The following OPCML variants were observed in gnomAD, a reference collection of about 807,000 sequenced individuals.
The protein encoded by OPCML is opioid-binding protein/cell adhesion molecule.
OPCML carries 13 observed loss-of-function variants against 37.8 expected under a neutral mutation model. That is an observed-to-expected ratio of 0.34 (90% CI 0.22 to 0.55). OPCML has a LOEUF of 0.55. Ranked by LOEUF, OPCML falls within the 20% of genes least tolerant of loss-of-function variation. The pLI, the probability that OPCML is intolerant of heterozygous loss-of-function variation, is 0.91. For missense variants in OPCML, 341 were observed against 435.6 expected (o/e 0.78, Z 1.93); for synonymous variants, 176 against 168.8 (o/e 1.04, Z -0.33).
At chr11:133,269,628 C>A in intron 1 of OPCML, among the ~76,000 whole-genome samples, 1 of 152,160 alleles carries the variant, frequency 6.6e-6, no homozygotes, top group East Asian at 1.9e-4. Context: ...CCACCTGCTA[C>A]CCATTTCAGG....
chr11:133,390,255 C>T (rs953356303), intron 1 of OPCML, among the ~76,000 whole-genome samples: 4 of 152,046 alleles, frequency 2.6e-5, no homozygotes, highest in Non-Finnish European at 4.4e-5. Context: ...GTCAGGAGAT[C>T]GAGACCATCC....
rs5795789 is a variant in OPCML at position 132,554,863 on chromosome 11, G to GTTTTTTTTT, written c.380-25686_380-25678dup. ...ATAAAAGCCATGGGAATGGGGTAAA[G>GTTTTTTTTT]TTTTTTTTTTTTTTTTTTTTTTTTT... is the stretch of plus-strand genomic sequence containing the variant. On this transcript the variant is annotated intron_variant, in intron 3 of 7. Coordinates refer to ENST00000524381, the MANE Select transcript of OPCML (RefSeq NM_001012393.5). 3.3e-4 allele frequency among the ~76,000 whole-genome samples: 21 copies of GTTTTTTTTT among 64,028 alleles called. 3 individuals carry two copies. Among genetic ancestry groups the GTTTTTTTTT allele is most frequent in the African/African-American group, 8.7e-4 (15 of 17,340 alleles). The allele number at this position is 64,028 out of a possible 152,430, so 42.0% of individuals were successfully genotyped here. A position where few individuals can be genotyped will look rare whatever the true frequency, so the allele number is the denominator to read the frequency against.
intron 1 of OPCML, chr11:133,299,293 G>A (rs1942721980): frequency 6.6e-6 from 1 of 152,246 alleles, no homozygotes. Flanking sequence ...ATTTGTTGCT[G>A]GGACCCAAAG....
At chr11:132,495,894 C>CAA (rs202115452) in intron 4 of OPCML, among the ~76,000 whole-genome samples, 209 of 100,048 alleles carry the variant, frequency 2.1e-3, no homozygotes, top group African/African-American at 6.4e-3. Context: ...GACTCCATCT[C>CAA]AAAAAAAAAA....
chr11:133,494,454 A>G (rs1947735932), intron 1 of OPCML, among the ~76,000 whole-genome samples: 1 of 151,578 alleles, frequency 6.6e-6, no homozygotes, highest in Admixed American at 6.6e-5. Context: ...CACAATAGCA[A>G]AGACTTGGAA....
intron 2 of OPCML, among the ~76,000 whole-genome samples, chr11:132,842,621 G>GT (rs1317717545): frequency 1.3e-5 from 2 of 152,278 alleles, no homozygotes; most frequent in South Asian, 2.1e-4. Context: ...GCTTGTCAGA[G>GT]TTTTTTCTCC....
intron 1 of OPCML, among the ~76,000 whole-genome samples, chr11:133,115,685 TCA>T (rs1949322689): frequency 6.6e-6 from 1 of 152,152 alleles, no homozygotes. Flanking sequence ...AGCTGAATTG[TCA>T]CAGTGTCTCA....
At chr11:132,436,063 G>A (rs767169783) in intron 7 of OPCML, 23 bp downstream of exon 7, 8 of 1,605,100 alleles carry the variant, frequency 5.0e-6, no homozygotes, top group South Asian at 1.1e-5. Flanking sequence ...TGAGCCCACT[G>A]CATCCAGGCT....
intron 2 of OPCML, among the ~76,000 whole-genome samples, chr11:132,815,094 G>A (rs1373158913): frequency 6.6e-6 from 1 of 152,112 alleles, no homozygotes; most frequent in East Asian, 1.9e-4. Context: ...TAAAGTTGAA[G>A]CCTTTGCCCC....
At chr11:132,744,512 G>T (rs552525120) in intron 2 of OPCML, among the ~76,000 whole-genome samples, 10 of 152,170 alleles carry the variant, frequency 6.6e-5, no homozygotes, top group Non-Finnish European at 1.2e-4. Context: ...TGCTAGCCAG[G>T]CTGCTGTAAG....
At chr11:133,257,562 C>A (rs1276776220) in intron 1 of OPCML, among the ~76,000 whole-genome samples, 1 of 152,178 alleles carries the variant, frequency 6.6e-6, no homozygotes, top group Non-Finnish European at 1.5e-5. Flanking sequence ...TATTAAAGTT[C>A]TTACACACTG....
intron 1 of OPCML, among the ~76,000 whole-genome samples, chr11:133,156,996 T>C (rs1276878432): frequency 1.3e-5 from 2 of 152,146 alleles, no homozygotes; most frequent in Non-Finnish European, 2.9e-5. Flanking sequence ...TTTCAGCTCA[T>C]GAAACCACTT....
chr11:132,986,850 T>G (rs1212157480), intron 1 of OPCML, among the ~76,000 whole-genome samples: 1 of 152,142 alleles, frequency 6.6e-6, no homozygotes. Flanking sequence ...TGGAAGCAAA[T>G]TAAGCATATC....
intron 1 of OPCML, among the ~76,000 whole-genome samples, chr11:132,944,647 C>A (rs1177186080): frequency 6.6e-6 from 1 of 152,190 alleles, no homozygotes; most frequent in Non-Finnish European, 1.5e-5. Context: ...CTCCTAAAAC[C>A]CCTCACAGGA....
At chr11:132,495,967 A>G (rs927994492) in intron 4 of OPCML, among the ~76,000 whole-genome samples, 1 of 152,054 alleles carries the variant, frequency 6.6e-6, no homozygotes, top group African/African-American at 2.4e-5. Flanking sequence ...AATTTTACTG[A>G]TCATGGATTT....
intron 1 of OPCML, among the ~76,000 whole-genome samples, chr11:133,257,831 C>G (rs969578250): frequency 1.3e-5 from 2 of 150,744 alleles, no homozygotes; most frequent in African/African-American, 4.9e-5. Flanking sequence ...TTTTTCTCGC[C>G]TTCCTTGTCT....
At chr11:133,194,589 A>G (rs1026517963) in intron 1 of OPCML, among the ~76,000 whole-genome samples, 1 of 152,144 alleles carries the variant, frequency 6.6e-6, no homozygotes, top group African/African-American at 2.4e-5. Context: ...AATGAGTTAT[A>G]ATAACCTCAC....
intron 3 of OPCML, among the ~76,000 whole-genome samples, chr11:132,597,785 G>C (rs2096494748): frequency 6.6e-6 from 1 of 152,066 alleles, no homozygotes; most frequent in Non-Finnish European, 1.5e-5. Context: ...CCAATATTTG[G>C]ATAAAATATA....
At chr11:133,041,597 T>C (rs969001255) in intron 1 of OPCML, among the ~76,000 whole-genome samples, 1 of 152,204 alleles carries the variant, frequency 6.6e-6, no homozygotes, top group Admixed American at 6.5e-5. Flanking sequence ...GCGTCGCATA[T>C]ACCCTTTGCT....
Sources: gnomAD v4.1 joint callset for allele counts (sites outside exome capture counted in the v4.1 genomes callset) on GRCh38, gnomAD v4.1.1 for gene constraint, MANE v1.5 for transcripts, NCBI Gene and HGNC (gene_info 2026-07-23, HGNC 2026-07-21) for gene names.